HNF4G: variants seen among roughly 807,000 people sequenced by gnomAD.
HNF4G encodes the protein hepatocyte nuclear factor 4 gamma, also known as hepatocyte nuclear factor 4-gamma.
A neutral mutation model predicts 50.9 loss-of-function variants in HNF4G; 21 were observed. That is an observed-to-expected ratio of 0.41 (90% CI 0.29 to 0.59). HNF4G has a LOEUF of 0.59. Ranked by LOEUF, HNF4G falls within the 20% of genes least tolerant of loss-of-function variation. The pLI, the probability that HNF4G is intolerant of heterozygous loss-of-function variation, is 0.26. For synonymous variants in HNF4G, 198 were observed against 185.6 expected, an observed-to-expected ratio of 1.07 and a Z score of -0.54; for missense variants, 527 against 559.4, an observed-to-expected ratio of 0.94 and a Z score of 0.58.
chr8:75,552,915 G>C, intron 4 of HNF4G, 127 bp from the exon 5 acceptor site: 1 of 558,252 alleles, frequency 1.8e-6, no homozygotes, highest in Non-Finnish European at 3.1e-6. Context: ...TTTAGTATTT[G>C]TCAAGATACT....
At position 75,540,483 on chromosome 8, in the gene HNF4G, G is replaced by A. The variant is rs560764163; in HGVS notation, c.118+403G>A. 2.6e-4 allele frequency among the ~76,000 whole-genome samples: 40 copies of A among 152,228 alleles called. No individual in the cohort carries two copies. The South Asian group carries it at 8.1e-3, about 31-fold the overall frequency. ...AACAAAGTTTCCATAGAACATTAGG[G>A]AGTTTCACTGATTGTCTACCCTTTT... On this transcript the variant is annotated intron_variant, in intron 1 of 9. Coordinates refer to ENST00000396423, the MANE Select transcript of HNF4G (RefSeq NM_004133.5).
At chr8:75,531,013 C>T (rs909578466) in intron 2 of HNF4G, among the ~76,000 whole-genome samples, 3 of 152,036 alleles carry the variant, frequency 2.0e-5, no homozygotes, top group East Asian at 1.9e-4. Context: ...AGGCTGGTCT[C>T]GAACTCCTGA....
intron 3 of HNF4G, among the ~76,000 whole-genome samples, chr8:75,549,379 G>A (rs546843045): frequency 6.6e-6 from 1 of 152,040 alleles, no homozygotes; most frequent in African/African-American, 2.4e-5. Context: ...ATTCATAAAC[G>A]CTTAGCTAAC....
intron 2 of HNF4G, among the ~76,000 whole-genome samples, chr8:75,508,792 A>G (rs1210213300): frequency 6.6e-6 from 1 of 152,152 alleles, no homozygotes; most frequent in African/African-American, 2.4e-5. Flanking sequence ...GGAAGAGATG[A>G]CTGACAAAAG....
chr8:75,538,318 A>G (rs1377596415), upstream of HNF4G, among the ~76,000 whole-genome samples: 2 of 152,152 alleles, frequency 1.3e-5, no homozygotes, highest in Admixed American at 6.6e-5. Context: ...CACCCGCGGG[A>G]ACAGACTAGG....
intron 2 of HNF4G, among the ~76,000 whole-genome samples, chr8:75,502,481 G>A (rs139227164): frequency 9.6e-4 from 146 of 152,128 alleles, no homozygotes; most frequent in African/African-American, 3.4e-3. Context: ...CAAGAAAATA[G>A]CAAACAGCCT....
chr8:75,499,267 T>C (rs1227576572), intron 2 of HNF4G, among the ~76,000 whole-genome samples: 1 of 151,936 alleles, frequency 6.6e-6, no homozygotes, highest in Non-Finnish European at 1.5e-5. Context: ...AATAAGAAAA[T>C]AATTTCATTA....
intron 1 of HNF4G, among the ~76,000 whole-genome samples, chr8:75,463,772 A>ATT (rs373640826): frequency 0.036 from 4,202 of 115,490 alleles, 90 homozygotes; most frequent in South Asian, 0.052. Flanking sequence ...GAATATGTTG[A>ATT]TTTTTTTTTT....
intron 1 of HNF4G, among the ~76,000 whole-genome samples, chr8:75,434,189 A>G (rs1213543643): frequency 1.3e-5 from 2 of 151,872 alleles, no homozygotes; most frequent in East Asian, 1.9e-4. Flanking sequence ...TTTTTAGTAC[A>G]GATGAGGTTG....
chr8:75,513,740 T>C (rs1805815051), intron 2 of HNF4G, among the ~76,000 whole-genome samples: 1 of 151,924 alleles, frequency 6.6e-6, no homozygotes, highest in Non-Finnish European at 1.5e-5. Context: ...AAAAGATTTT[T>C]TTCTTACTTT....
intron 2 of HNF4G, among the ~76,000 whole-genome samples, chr8:75,492,687 G>T (rs1442410589): frequency 6.6e-6 from 1 of 152,098 alleles, no homozygotes; most frequent in Non-Finnish European, 1.5e-5. Context: ...ACAATGATTT[G>T]TCCTGAGTCA....
intron 1 of HNF4G, among the ~76,000 whole-genome samples, chr8:75,478,981 C>G (rs181427153): frequency 4.3e-4 from 66 of 152,274 alleles, no homozygotes; most frequent in African/African-American, 1.6e-3. Context: ...CTCGGCCTCC[C>G]GAAGTGATAG....
chr8:75,513,537 T>A lies in HNF4G; in HGVS notation c.-24+23329T>A, dbSNP rs966574357. Among the ~76,000 whole-genome samples the A allele has an allele frequency of 5.9e-5, 9 of 152,296 alleles. No homozygotes were observed. In the South Asian group the frequency reaches 1.9e-3, roughly 32 times the overall value. ...ATTCTTATGTTTTGTTTGTAATGTC[T>A]AACATTCCTTGTCTTTGCAAATAAT... On this transcript the variant is annotated intron_variant, in intron 2 of 10. Transcript: ENST00000354370.
intron 1 of HNF4G, among the ~76,000 whole-genome samples, chr8:75,423,122 G>T (rs889052716): frequency 6.6e-6 from 1 of 151,834 alleles, no homozygotes; most frequent in Non-Finnish European, 1.5e-5. Flanking sequence ...CCATAAACTT[G>T]TACCAAACTA....
chr8:75,422,819 A>G (rs891059866), intron 1 of HNF4G, among the ~76,000 whole-genome samples: 6 of 152,072 alleles, frequency 3.9e-5, no homozygotes, highest in Non-Finnish European at 8.8e-5. Context: ...ATTTTTCACT[A>G]GAGACGGGGT....
chr8:75,537,446 A>G (rs1806495543), upstream of HNF4G, among the ~76,000 whole-genome samples: 1 of 151,908 alleles, frequency 6.6e-6, no homozygotes, highest in Admixed American at 6.6e-5. Flanking sequence ...GCGTTTTGCC[A>G]TGTTGCTGTG....
intron 2 of HNF4G, chr8:75,527,106 T>G (rs1806205762): frequency 6.6e-6 from 1 of 152,190 alleles, no homozygotes. Context: ...ACATGTTTAG[T>G]GCCCTGTTTG....
rs77987483 is a variant in HNF4G at position 75,465,863 on chromosome 8, A to G, written c.-143-24226A>G. On this transcript the variant is annotated intron_variant, in intron 1 of 10. Coordinates refer to the HNF4G transcript ENST00000354370. Reference sequence around the variant, plus strand: ...CTTTCTTTACTTATTCTGCTTCTAAACCTTCCTAGAATCCTCCTTCTATTG... The same window carrying G: ...CTTTCTTTACTTATTCTGCTTCTAAGCCTTCCTAGAATCCTCCTTCTATTG... Among the ~76,000 whole-genome samples, 175 of 152,246 alleles carry G rather than the reference A, an allele frequency of 1.1e-3. 1 individual carries two copies. The highest frequency in any genetic ancestry group is 4.0e-3 in the African/African-American group (167 of 41,560).
chr8:75,550,889 A>G (rs943961764), intron 3 of HNF4G, among the ~76,000 whole-genome samples: 1 of 152,130 alleles, frequency 6.6e-6, no homozygotes, highest in Non-Finnish European at 1.5e-5. Context: ...ACAGTGTTTT[A>G]TAAGAGATCA....
Sources: allele counts gnomAD v4.1 joint callset (sites outside exome capture counted in the v4.1 genomes callset), GRCh38; gene constraint gnomAD v4.1.1; transcripts MANE v1.5; gene names NCBI Gene and HGNC (gene_info 2026-07-23, HGNC 2026-07-21).